Variants in MAP1LC3C observed in about 807,000 individuals in gnomAD.
The protein encoded by MAP1LC3C is microtubule associated protein 1 light chain 3 gamma, also known as microtubule-associated protein 1 light chain 3 gamma.
Under a neutral mutation model 10.4 loss-of-function variants are expected in MAP1LC3C, and 12 were observed. The ratio of observed to expected loss-of-function variants is 1.15; its 90% confidence interval spans 0.74 to 1.86. MAP1LC3C has a LOEUF of 1.86. MAP1LC3C is among the 40% of genes most tolerant of loss of function. The probability of loss-of-function intolerance (pLI) is 0.00; values close to 1 mark genes in which losing one functional copy is unlikely to be tolerated. For synonymous variants in MAP1LC3C, 70 were observed against 69.0 expected, an observed-to-expected ratio of 1.01 and a Z score of -0.07; for missense variants, 177 against 185.7, an observed-to-expected ratio of 0.95 and a Z score of 0.27.
rs755270741 is a variant in MAP1LC3C at position 241,998,832 on chromosome 1, C to A, written c.59-1G>T. On this transcript the variant is annotated splice_acceptor_variant, in intron 1 of 3. Transcript: ENST00000357246. LOFTEE classifies it high-confidence loss of function. ...CCAGCAACTTCCTCTTGTCTGATTG[C>A]TGTGAATATTTCAAGCACAAGAGAA... The A allele has an allele frequency of 6.2e-6, 10 of 1,613,874 alleles. No individual in the cohort carries two copies. The highest frequency in any genetic ancestry group is 2.2e-5 in the East Asian group (1 of 44,882).
Position 241,996,075 on chromosome 1 carries a change from A to G in MAP1LC3C, c.*88T>C, listed in dbSNP as rs147274936. 3.2e-5 allele frequency: 38 copies of G among 1,204,576 alleles called. No individual in the cohort carries two copies. The East Asian group carries it at 9.1e-4, about 29-fold the overall frequency. 74.6% of individuals were successfully genotyped at this position (1,204,576 alleles called of 1,614,324 possible). On this transcript the variant is annotated 3_prime_UTR_variant, in exon 4 of 4. Transcript: ENST00000357246. ...CACCCCAGGCATCCCTGCTTCTCAGACTCCTCCACTGTATACACAGGAGAA... is the reference window on the plus strand; with the variant it reads ...CACCCCAGGCATCCCTGCTTCTCAGGCTCCTCCACTGTATACACAGGAGAA...
At position 241,996,271 on chromosome 1, in the gene MAP1LC3C, A is replaced by G. The variant is rs768099774; in HGVS notation, c.336T>C (p.Asp112=). Reference sequence around the variant, plus strand: ...AGGCGTAGGTCATGTACACGAAGCCATCCTCATCCTTGTAGTCTCTGTAGA... The same window carrying G: ...AGGCGTAGGTCATGTACACGAAGCCGTCCTCATCCTTGTAGTCTCTGTAGA... The part of the protein sequence containing the change: ...AEIYRDYKDE[D]GFVYMTYASQ... Residue 112 remains aspartate (D), a synonymous_variant, in exon 4 of 4, where the codon GAT becomes GAC. Coordinates refer to ENST00000357246, the MANE Select transcript of MAP1LC3C (RefSeq NM_001004343.3). The G allele has an allele frequency of 2.8e-5, 45 of 1,614,096 alleles. No homozygotes were observed. The South Asian group carries it at 4.8e-4, about 17-fold the overall frequency.
At chr1:241,999,198 G>A (rs1012337396), upstream of MAP1LC3C, 11 of 1,192,230 alleles carry the variant, frequency 9.2e-6, no homozygotes, top group Admixed American at 2.4e-4. Context: ...GGCAGCAGGA[G>A]GTCAGTTCTG....
rs918124959 is a variant in MAP1LC3C at position 241,995,982 on chromosome 1, C to G, written c.*181G>C. On this transcript the variant is annotated 3_prime_UTR_variant, in exon 4 of 4. Coordinates refer to ENST00000357246, the MANE Select transcript of MAP1LC3C (RefSeq NM_001004343.3). ...AGCCCACATTTTTCTTAGAAGGACA[C>G]AAGAACACGGAGCACAAAAACTAAA... is the stretch of plus-strand genomic sequence containing the variant. 19 of 521,072 alleles carry G rather than the reference C, an allele frequency of 3.6e-5. No homozygotes were observed. The highest frequency in any genetic ancestry group is 5.1e-4 in the Middle Eastern group (1 of 1,976). The allele number at this position is 521,072 out of a possible 1,614,324, so 32.3% of individuals were successfully genotyped here.
At chr1:241,996,492 G>C (rs774141028) in intron 3 of MAP1LC3C, 107 bp from the exon 4 acceptor site, 14 of 918,042 alleles carry the variant, frequency 1.5e-5, no homozygotes, top group Non-Finnish European at 2.1e-5. Context: ...TCTTCCCTGA[G>C]ATTTAGGAAC....
chr1:241,996,193 G>A lies in MAP1LC3C; in HGVS notation c.414C>T (p.Ser138=). The change falls in exon 4 of 4, where the codon AGC becomes AGT. Residue 138 remains serine (S), a synonymous_variant. Coordinates refer to ENST00000357246, the MANE Select transcript of MAP1LC3C (RefSeq NM_001004343.3). ...GAGGATTGCAGGGTCTGTCCTCAAGGCTGCTCCCATCCCTGGGGGCTGCTG... is the reference window on the plus strand; with the variant it reads ...GAGGATTGCAGGGTCTGTCCTCAAGACTGCTCCCATCCCTGGGGGCTGCTG... ...LESAAPRDGS[S]LEDRPCNPL The A allele has an allele frequency of 1.9e-6, 3 of 1,614,060 alleles. No individual in the cohort carries two copies. The highest frequency in any genetic ancestry group is 2.5e-6 in the Non-Finnish European group (3 of 1,180,030).
At chr1:242,001,077 A>C (rs2148602269), upstream of MAP1LC3C, among the ~76,000 whole-genome samples, 1 of 152,122 alleles carries the variant, frequency 6.6e-6, no homozygotes, top group Non-Finnish European at 1.5e-5. Flanking sequence ...GGAGTTTGAG[A>C]CCAGCTTGGC....
In MAP1LC3C at chr1:241,999,061, C is replaced by A. The variant is rs931805725; in HGVS notation, c.-53G>T. 7.7e-6 allele frequency: 12 copies of A among 1,556,312 alleles called. No homozygotes were observed. The African/African-American group carries it at 1.5e-4, about 20-fold the overall frequency. The stretch of plus-strand genomic sequence containing the variant: ...AAAAGAAAAAAAAACTGTCCCGCAA[C>A]CGGGAACCTAACTCATTCCTCCAGC... On this transcript the variant is annotated 5_prime_UTR_variant, in exon 1 of 4. Coordinates refer to ENST00000357246, the MANE Select transcript of MAP1LC3C (RefSeq NM_001004343.3).
chr1:241,998,714 T>C, intron 2 of MAP1LC3C, 62 bp downstream of exon 2: 1 of 1,612,260 alleles, frequency 6.2e-7, no homozygotes, highest in Non-Finnish European at 8.5e-7. Context: ...TCTTGGTTTT[T>C]CAGAGAACAG....
At position 241,998,835 on chromosome 1, in the gene MAP1LC3C, T is replaced by C. The variant is rs1396448948; in HGVS notation, c.59-4A>G. On this transcript the variant is annotated splice_region_variant and splice_polypyrimidine_tract_variant and intron_variant, in intron 1 of 3. Transcript: ENST00000357246. ...GCAACTTCCTCTTGTCTGATTGCTG[T>C]GAATATTTCAAGCACAAGAGAAGAA... The C allele has an allele frequency of 6.2e-7, 1 of 1,613,884 alleles. No individual in the cohort carries two copies. The highest frequency in any genetic ancestry group is 1.7e-5 in the Admixed American group (1 of 59,978).
In MAP1LC3C at chr1:241,998,602, G is replaced by T; in HGVS notation, c.133C>A (p.Pro45Thr). ...AGCGGGGGCAGGAACGTCTCCCTGG[G>T]GTAGCGCTCCACTACCACCTGTCAA... is the stretch of plus-strand genomic sequence containing the variant. ...NKIPVVVERY[P>T]RETFLPPLDK... Residue 45 changes from proline (P) to threonine (T), a missense_variant, in exon 3 of 4, where the codon CCC (proline) becomes ACC (threonine). Pro to Thr is a conservative substitution (Grantham distance 38). Transcript: ENST00000357246. 1 of 1,611,746 alleles carries T rather than the reference G, an allele frequency of 6.2e-7. No homozygotes were observed.
At position 241,998,598 on chromosome 1, in the gene MAP1LC3C, C is replaced by A. The variant is rs773356830; in HGVS notation, c.137G>T (p.Arg46Met). The stretch of plus-strand genomic sequence containing the variant: ...GTCCAGCGGGGGCAGGAACGTCTCC[C>A]TGGGGTAGCGCTCCACTACCACCTG... ...KIPVVVERYP[R>M]ETFLPPLDKT... The change falls in exon 3 of 4, where the codon AGG becomes ATG. Residue 46 changes from arginine to methionine, a missense_variant. Physicochemically the swap from Arg to Met is moderately conservative, Grantham distance 91. Transcript: ENST00000357246. The A allele has an allele frequency of 6.8e-6, 11 of 1,612,044 alleles. No individual in the cohort carries two copies. In the Admixed American group the frequency reaches 1.5e-4, roughly 22 times the overall value.
chr1:242,001,105 G>A (rs1351851586), upstream of MAP1LC3C, among the ~76,000 whole-genome samples: 3 of 151,844 alleles, frequency 2.0e-5, no homozygotes, highest in Non-Finnish European at 2.9e-5. Context: ...ATGAAACCCT[G>A]TCTCTACTAA....
At position 241,998,567 on chromosome 1, in the gene MAP1LC3C, G is replaced by C. The variant is rs1665134726; in HGVS notation, c.168C>G (p.Thr56=). Residue 56 remains threonine (T), a synonymous_variant, in exon 3 of 4, where the codon ACC becomes ACG. Coordinates refer to ENST00000357246, the MANE Select transcript of MAP1LC3C (RefSeq NM_001004343.3). ...RETFLPPLDK[T]KFLVPQELTM... ...TCAGCTCCTGCGGGACCAGGAACTT[G>C]GTTTTGTCCAGCGGGGGCAGGAACG... is the stretch of plus-strand genomic sequence containing the variant. The C allele has an allele frequency of 6.2e-7, 1 of 1,613,552 alleles. No homozygotes were observed. Among genetic ancestry groups the C allele is most frequent in the Non-Finnish European group, 8.5e-7 (1 of 1,179,910 alleles).
intron 3 of MAP1LC3C, among the ~76,000 whole-genome samples, chr1:241,997,633 T>C (rs1665111001): frequency 6.6e-6 from 1 of 152,236 alleles, no homozygotes; most frequent in Non-Finnish European, 1.5e-5. Context: ...ATATTTACTT[T>C]ACTCCCAAAT....
At chr1:242,000,303 C>T (rs776583295), upstream of MAP1LC3C, among the ~76,000 whole-genome samples, 13 of 152,158 alleles carry the variant, frequency 8.5e-5, no homozygotes, top group Non-Finnish European at 1.8e-4. Flanking sequence ...TGTAGTGGCA[C>T]GATCTCAGCT....
Position 241,996,316 on chromosome 1 carries a change from C to T in MAP1LC3C, c.291G>A (p.Met97Ile), listed in dbSNP as rs1665084669. The T allele has an allele frequency of 6.2e-7, 1 of 1,613,932 alleles. No homozygotes were observed. The highest frequency in any genetic ancestry group is 1.3e-5 in the African/African-American group (1 of 74,954). The change falls in exon 4 of 4, where the codon ATG becomes ATA. Residue 97 changes from methionine (M) to isoleucine (I), a missense_variant. Transcript: ENST00000357246. Reference protein sequence around the residue: ...LLVNNKSLVSMSATMAEIYRD... With the variant: ...LLVNNKSLVSISATMAEIYRD... ...TGTAGATCTCTGCCATGGTTGCGCT[C>T]ATGCTGACCAGGCTCTTGTTGTTCA...
At position 241,998,927 on chromosome 1, in the gene MAP1LC3C, A is replaced by G. The variant is rs761742819; in HGVS notation, c.58+24T>C. 4 of 1,611,428 alleles carry G rather than the reference A, an allele frequency of 2.5e-6. No homozygotes were observed. In the African/African-American group the frequency reaches 5.4e-5, roughly 22 times the overall value. On this transcript the variant is annotated intron_variant, in intron 1 of 3. Transcript: ENST00000357246. ...ATCCGCTCCTCTCTTTAGATAACCC[A>G]GAAAGCTACCCCAAGAAATTTACCC...
intron 3 of MAP1LC3C, among the ~76,000 whole-genome samples, chr1:241,996,919 A>AAAAAAAAAAAG (rs1346204196): frequency 5.3e-5 from 8 of 150,488 alleles, no homozygotes; most frequent in Non-Finnish European, 3.0e-5. Context: ...CAAAAAAAAA[A>AAAAAAAAAAAG]AAAAAAGAAA....
Sources: allele counts gnomAD v4.1 joint callset (sites outside exome capture counted in the v4.1 genomes callset), GRCh38; gene constraint gnomAD v4.1.1; transcripts MANE v1.5; gene names NCBI Gene and HGNC (gene_info 2026-07-23, HGNC 2026-07-21).